The following RBFOX3 variants were observed in gnomAD, a reference collection of about 807,000 sequenced individuals.
RBFOX3 encodes the protein RNA binding fox-1 homolog 3, also known as RNA binding protein fox-1 homolog 3.
In RBFOX3, 17 loss-of-function variants were observed where a neutral mutation model predicts 48.7. That is an observed-to-expected ratio of 0.35 (90% CI 0.24 to 0.52). The LOEUF (loss-of-function observed/expected upper bound fraction) is 0.52, where lower values mean the gene tolerates loss of function less well. Among genes scored for constraint, RBFOX3 ranks in the 20% least tolerant of loss-of-function variants. RBFOX3 has a pLI of 0.94. For missense variants in RBFOX3, 382 were observed against 497.5 expected (o/e 0.77, Z 2.21); for synonymous variants, 212 against 209.5 (o/e 1.01, Z -0.10).
At chr17:79,136,728 T>C (rs1201104232) in intron 4 of RBFOX3, among the ~76,000 whole-genome samples, 1 of 152,042 alleles carries the variant, frequency 6.6e-6, no homozygotes, top group Non-Finnish European at 1.5e-5. Flanking sequence ...CGACCTGATG[T>C]CTCAGTCCTC....
At position 79,174,788 on chromosome 17, in the gene RBFOX3, C is replaced by T. The variant is rs1007689476; in HGVS notation, c.-33-59040G>A. Among the ~76,000 whole-genome samples the T allele has an allele frequency of 4.6e-5, 7 of 152,338 alleles. No individual in the cohort carries two copies. The East Asian group carries it at 9.6e-4, about 21-fold the overall frequency. ...CACTTGCCCCACTTAGCACAGGGCC[C>T]GGCACAGTGAGGAGCAGGTGACGTT... On this transcript the variant is annotated intron_variant, in intron 4 of 14. Coordinates refer to ENST00000693108, the MANE Select transcript of RBFOX3 (RefSeq NM_001350451.2).
intron 2 of RBFOX3, among the ~76,000 whole-genome samples, chr17:79,324,777 C>T (rs1422224215): frequency 6.6e-6 from 1 of 152,222 alleles, no homozygotes; most frequent in Non-Finnish European, 1.5e-5. Flanking sequence ...CAACCTGCAC[C>T]CGTGGGAGGC....
At chr17:79,224,792 C>T (rs1274383189) in intron 4 of RBFOX3, among the ~76,000 whole-genome samples, 1 of 152,222 alleles carries the variant, frequency 6.6e-6, no homozygotes, top group East Asian at 1.9e-4. Flanking sequence ...GTGACAGCCC[C>T]TGAGTCTTCT....
intron 2 of RBFOX3, among the ~76,000 whole-genome samples, chr17:79,356,801 A>C (rs924347479): frequency 1.3e-5 from 2 of 152,188 alleles, no homozygotes; most frequent in Non-Finnish European, 2.9e-5. Context: ...TGTTGGGAAG[A>C]ATCATGAAAA....
chr17:79,268,525 A>C (rs2067123601), intron 3 of RBFOX3, among the ~76,000 whole-genome samples: 1 of 152,078 alleles, frequency 6.6e-6, no homozygotes, highest in African/African-American at 2.4e-5. Flanking sequence ...TCTGAGCTCC[A>C]GCCACAGTTC....
intron 4 of RBFOX3, among the ~76,000 whole-genome samples, chr17:79,122,335 G>A (rs533420554): frequency 1.3e-5 from 2 of 152,280 alleles, no homozygotes; most frequent in African/African-American, 4.8e-5. Context: ...CCAGGGTCCT[G>A]CACGACCCCT....
intron 4 of RBFOX3, among the ~76,000 whole-genome samples, chr17:79,160,084 G>C (rs966005877): frequency 6.6e-6 from 1 of 152,234 alleles, no homozygotes; most frequent in East Asian, 1.9e-4. Flanking sequence ...CGCTCCGCTC[G>C]AGTAGTAAGT....
rs891922654 is a variant in RBFOX3 at position 79,288,478 on chromosome 17, C to CT, written c.-74+19245_-74+19246insA. Among the ~76,000 whole-genome samples, 599 of 97,080 alleles carry CT rather than the reference C, an allele frequency of 6.2e-3. 5 individuals carry two copies. The highest frequency in any genetic ancestry group is 0.021 in the Middle Eastern group (3 of 142). The allele number at this position is 97,080 out of a possible 152,430, so 63.7% of individuals were successfully genotyped here. On this transcript the variant is annotated intron_variant, in intron 3 of 14. Coordinates refer to ENST00000693108, the MANE Select transcript of RBFOX3 (RefSeq NM_001350451.2). Reference sequence around the variant, plus strand: ...CACTGCCCCTTTCCATTCTCTGCAGCCCCCCCCAGCCCGGCTTCCAGCCCC... The same window carrying CT: ...CACTGCCCCTTTCCATTCTCTGCAGCTCCCCCCCAGCCCGGCTTCCAGCCCC...
At position 79,103,820 on chromosome 17, in the gene RBFOX3, G is replaced by C. The variant is rs985821289; in HGVS notation, c.414+253C>G. On this transcript the variant is annotated intron_variant, in intron 7 of 14. Coordinates refer to ENST00000693108, the MANE Select transcript of RBFOX3 (RefSeq NM_001350451.2). This position sits in a 1 kb window ranked among gnomAD's most constrained non-coding sequence, Gnocchi z 6.1. ...TCAGTGGGGGTGGGGCCCGGACCTG[G>C]GGCCCAGGGCTCTGGGGTGCAGGCA... Among the ~76,000 whole-genome samples the C allele has an allele frequency of 2.6e-5, 4 of 151,884 alleles. No homozygotes were observed. The highest frequency in any genetic ancestry group is 9.7e-5 in the African/African-American group (4 of 41,328).
At chr17:79,523,050 G>GA (rs2086332419) in intron 1 of RBFOX3, among the ~76,000 whole-genome samples, 1 of 149,774 alleles carries the variant, frequency 6.7e-6, no homozygotes, top group African/African-American at 2.4e-5. Flanking sequence ...AAATCCCGTA[G>GA]ATTCCACTGA....
intron 3 of RBFOX3, among the ~76,000 whole-genome samples, chr17:79,246,120 C>G (rs2063139908): frequency 6.6e-6 from 1 of 152,164 alleles, no homozygotes; most frequent in African/African-American, 2.4e-5. Flanking sequence ...TGACTTTTAT[C>G]TGCTGACGTG....
At position 79,220,969 on chromosome 17, in the gene RBFOX3, G is replaced by A. The variant is rs775207663; in HGVS notation, c.-34+14797C>T. Among the ~76,000 whole-genome samples the A allele has an allele frequency of 4.6e-5, 7 of 152,194 alleles. No homozygotes were observed. Among genetic ancestry groups the A allele is most frequent in the Non-Finnish European group, 2.9e-5 (2 of 68,038 alleles). ...GCCTGCAGGAGAGCCTGCATCTAAC[G>A]TCTGTCCTGCCTCAGCGTTTTCCAG... On this transcript the variant is annotated intron_variant, in intron 4 of 14. Coordinates refer to ENST00000693108, the MANE Select transcript of RBFOX3 (RefSeq NM_001350451.2). This position sits in a 1 kb window ranked among gnomAD's most constrained non-coding sequence, Gnocchi z 5.9.
At chr17:79,250,497 G>A (rs561523260) in intron 3 of RBFOX3, among the ~76,000 whole-genome samples, 31 of 152,172 alleles carry the variant, frequency 2.0e-4, no homozygotes, top group African/African-American at 6.5e-4. Flanking sequence ...TGATGAGGGC[G>A]CTTAAATGAG....
intron 3 of RBFOX3, among the ~76,000 whole-genome samples, chr17:79,302,350 C>T (rs1279318156): frequency 6.6e-6 from 1 of 152,182 alleles, no homozygotes; most frequent in Non-Finnish European, 1.5e-5. Context: ...CAGGGTTCCA[C>T]CCAAATGTTT....
intron 4 of RBFOX3, among the ~76,000 whole-genome samples, chr17:79,129,914 C>T (rs1255548011): frequency 2.0e-5 from 3 of 152,184 alleles, no homozygotes; most frequent in African/African-American, 7.2e-5. Flanking sequence ...ATTCACTCTC[C>T]TTGCCCCAGC....
intron 1 of RBFOX3, among the ~76,000 whole-genome samples, chr17:79,574,895 G>T (rs1424502950): frequency 1.3e-5 from 2 of 152,230 alleles, no homozygotes; most frequent in African/African-American, 4.8e-5. Context: ...GGATCTCATT[G>T]AAGGGCAGGT....
At chr17:79,440,991 C>A (rs1381836946) in intron 2 of RBFOX3, among the ~76,000 whole-genome samples, 2 of 152,250 alleles carry the variant, frequency 1.3e-5, no homozygotes, top group Admixed American at 1.3e-4. Context: ...AAATGTCCCG[C>A]CAGAGCTGGC....
chr17:79,256,683 C>T (rs1466099485), intron 3 of RBFOX3, among the ~76,000 whole-genome samples: 1 of 151,972 alleles, frequency 6.6e-6, no homozygotes, highest in African/African-American at 2.4e-5. Context: ...TTTGGGAGGC[C>T]GAGGCAGGTG....
intron 4 of RBFOX3, among the ~76,000 whole-genome samples, chr17:79,217,929 G>C (rs962775298): frequency 6.6e-6 from 1 of 152,108 alleles, no homozygotes; most frequent in Non-Finnish European, 1.5e-5. Context: ...AGGGCAGGGT[G>C]GGGAGAAGTT....
Sources: allele counts gnomAD v4.1 joint callset (sites outside exome capture counted in the v4.1 genomes callset), GRCh38; gene constraint gnomAD v4.1.1; non-coding constraint Gnocchi (gnomAD v3.1); transcripts MANE v1.5; gene names NCBI Gene and HGNC (gene_info 2026-07-23, HGNC 2026-07-21).